CNOT4: variants seen among roughly 807,000 people sequenced by gnomAD.
The protein encoded by CNOT4 is CCR4-NOT transcription complex subunit 4, also known as CCR4-associated factor 4.
In CNOT4, 8 loss-of-function variants were observed where a neutral mutation model predicts 73.8. The ratio of observed to expected loss-of-function variants is 0.11; its 90% CI spans 0.06 to 0.20. The LOEUF is 0.20. Among genes scored for constraint, CNOT4 ranks in the 10% least tolerant of loss-of-function variants. The probability of loss-of-function intolerance (pLI) is 1.00; values close to 1 mark genes in which losing one functional copy is unlikely to be tolerated. For synonymous variants in CNOT4, 293 were observed against 321.1 expected, an observed-to-expected ratio of 0.91 and a Z score of 0.94; for missense variants, 564 against 883.4, an observed-to-expected ratio of 0.64 and a Z score of 4.58.
Position 135,384,290 on chromosome 7 carries a change from T to TC in CNOT4, c.1627+9627_1627+9628insG, listed in dbSNP as rs202147516. 2.5e-3 allele frequency: 385 copies of TC among 151,954 alleles called. 1 individual carries two copies. The highest frequency in any genetic ancestry group is 4.0e-3 in the South Asian group (20 of 5,042). The allele number at this position is 151,954 out of a possible 1,614,324, so 9.4% of individuals were successfully genotyped here. A position where few individuals can be genotyped will look rare whatever the true frequency, so the allele number is the denominator to read the frequency against. ...GATACAGCCCACCTCTCTCTCTCTC[T>TC]TTTTTTTTTTTTTAGACGGAGTCTC... On this transcript the variant is annotated intron_variant, in intron 10 of 11. Coordinates refer to ENST00000541284, the MANE Select transcript of CNOT4 (RefSeq NM_001190850.2).
chr7:135,477,953 T>C (rs1802099368), intron 1 of CNOT4, among the ~76,000 whole-genome samples: 1 of 150,802 alleles, frequency 6.6e-6, no homozygotes, highest in African/African-American at 2.4e-5. Flanking sequence ...TGTAAATATG[T>C]TTATATTTAA....
intron 1 of CNOT4, among the ~76,000 whole-genome samples, chr7:135,481,787 T>C (rs1039803132): frequency 1.3e-5 from 2 of 152,306 alleles, no homozygotes; most frequent in South Asian, 2.1e-4. Context: ...TGCAGCAACA[T>C]AGATGAGCTG....
At chr7:135,492,271 T>G (rs74529247) in intron 1 of CNOT4, among the ~76,000 whole-genome samples, 3,395 of 152,244 alleles carry the variant, frequency 0.022, 125 homozygotes, top group African/African-American at 0.07. Context: ...AGGGCAGTTA[T>G]CATATTTGTA....
At chr7:135,467,340 A>G (rs1356983988) in intron 1 of CNOT4, among the ~76,000 whole-genome samples, 1 of 152,216 alleles carries the variant, frequency 6.6e-6, no homozygotes, top group African/African-American at 2.4e-5. Flanking sequence ...AAATCTGTCT[A>G]TTCCATGCTG....
intron 10 of CNOT4, chr7:135,388,330 G>A (rs1796226954): frequency 1.0e-6 from 1 of 984,896 alleles, no homozygotes; most frequent in South Asian, 4.7e-5. Flanking sequence ...CACCAATTTT[G>A]TTTTATATGT....
chr7:135,418,945 T>C (rs1328069775), intron 3 of CNOT4, among the ~76,000 whole-genome samples: 7 of 152,238 alleles, frequency 4.6e-5, no homozygotes, highest in African/African-American at 1.4e-4. Context: ...CCTACCAGTC[T>C]GTGAGCTTGT....
chr7:135,383,638 G>A (rs1340551948), intron 10 of CNOT4, among the ~76,000 whole-genome samples: 2 of 152,164 alleles, frequency 1.3e-5, no homozygotes, highest in East Asian at 3.9e-4. Flanking sequence ...AGAGTATATA[G>A]ACGGTTACAA....
At chr7:135,449,497 T>A (rs1304570463) in intron 1 of CNOT4, among the ~76,000 whole-genome samples, 1 of 151,888 alleles carries the variant, frequency 6.6e-6, no homozygotes, top group East Asian at 1.9e-4. Context: ...TAAGCCCACA[T>A]CCAGATACAA....
intron 2 of CNOT4, among the ~76,000 whole-genome samples, chr7:135,436,726 T>A (rs919744374): frequency 2.0e-5 from 3 of 149,956 alleles, no homozygotes; most frequent in African/African-American, 7.3e-5. Flanking sequence ...GAAATAGACC[T>A]AACTTTTTAT....
At chr7:135,451,006 T>G (rs960552692) in intron 1 of CNOT4, among the ~76,000 whole-genome samples, 7 of 152,000 alleles carry the variant, frequency 4.6e-5, no homozygotes, top group African/African-American at 9.7e-5. Context: ...AAGAGTAACA[T>G]GAATGGTAAA....
At chr7:135,468,746 T>C (rs2129486617) in intron 1 of CNOT4, among the ~76,000 whole-genome samples, 1 of 152,062 alleles carries the variant, frequency 6.6e-6, no homozygotes, top group Middle Eastern at 3.4e-3. Context: ...TTAGAGTACC[T>C]ATTGGTATGT....
chr7:135,400,177 C>T (rs975346030), intron 7 of CNOT4, among the ~76,000 whole-genome samples: 2 of 151,816 alleles, frequency 1.3e-5, no homozygotes, highest in African/African-American at 2.4e-5. Context: ...GTCAAAATGT[C>T]GGAGACAGTG....
At chr7:135,425,299 A>G (rs1798429835) in intron 2 of CNOT4, among the ~76,000 whole-genome samples, 1 of 152,194 alleles carries the variant, frequency 6.6e-6, no homozygotes, top group African/African-American at 2.4e-5. Context: ...GTATTCTATG[A>G]GGTTGTATAA....
intron 1 of CNOT4, among the ~76,000 whole-genome samples, chr7:135,475,971 A>G (rs975232293): frequency 1.3e-5 from 2 of 152,174 alleles, no homozygotes; most frequent in African/African-American, 4.8e-5. Flanking sequence ...TAAAGTTGCT[A>G]TGTAGAAAAT....
chr7:135,453,826 T>TTATATATATATATATATATATTA (rs1800340260), intron 1 of CNOT4, among the ~76,000 whole-genome samples: 1 of 89,902 alleles, frequency 1.1e-5, no homozygotes, highest in Non-Finnish European at 2.3e-5. Context: ...TATATATATT[T>TTATATATATATATATATATATTA]TATATATATA....
intron 1 of CNOT4, among the ~76,000 whole-genome samples, chr7:135,489,391 C>CTTTTTTTTTT (rs71174525): frequency 1.2e-5 from 1 of 84,746 alleles, no homozygotes; most frequent in Admixed American, 1.5e-4. Context: ...AGTCACATTT[C>CTTTTTTTTTT]TTTTTTTTTT....
intron 1 of CNOT4, among the ~76,000 whole-genome samples, chr7:135,480,077 T>C (rs956197040): frequency 3.9e-5 from 6 of 152,244 alleles, no homozygotes; most frequent in Non-Finnish European, 1.5e-5. Context: ...ATGCTGCTTA[T>C]TTTAGGATTT....
intron 1 of CNOT4, among the ~76,000 whole-genome samples, chr7:135,465,085 A>C (rs140465286): frequency 1.3e-5 from 2 of 152,302 alleles, no homozygotes; most frequent in Admixed American, 1.3e-4. Context: ...TGGGCTATTA[A>C]AGTAGATTTT....
intron 1 of CNOT4, among the ~76,000 whole-genome samples, chr7:135,448,464 A>T (rs1159227538): frequency 1.3e-5 from 2 of 151,384 alleles, no homozygotes; most frequent in African/African-American, 4.9e-5. Context: ...GAACTCCTTG[A>T]ACCCAGGAGA....
Sources: gnomAD v4.1 joint callset for allele counts (sites outside exome capture counted in the v4.1 genomes callset) on GRCh38, gnomAD v4.1.1 for gene constraint, MANE v1.5 for transcripts, NCBI Gene and HGNC (gene_info 2026-07-23, HGNC 2026-07-21) for gene names.